Variants in RGS6 observed in about 807,000 individuals in gnomAD.
RGS6 encodes regulator of G-protein signaling 6.
In RGS6, 30 loss-of-function variants were observed where a neutral mutation model predicts 78.5. The ratio of observed to expected loss-of-function variants is 0.38; its 90% CI spans 0.29 to 0.52. The LOEUF (loss-of-function observed/expected upper bound fraction) is 0.52, where lower values mean the gene tolerates loss of function less well. Ranked by LOEUF, RGS6 falls within the 20% of genes least tolerant of loss-of-function variation. The pLI is 0.85. For missense variants in RGS6, 495 were observed against 609.7 expected, an observed-to-expected ratio of 0.81 and a Z score of 1.98; for synonymous variants, 206 against 206.0, an observed-to-expected ratio of 1.00 and a Z score of 0.00.
At chr14:72,471,532 C>T (rs745680762) in intron 8 of RGS6, among the ~76,000 whole-genome samples, 11 of 152,334 alleles carry the variant, frequency 7.2e-5, no homozygotes, top group East Asian at 1.9e-4. Flanking sequence ...CATTCCTGGG[C>T]GATGTTGCAG....
At chr14:72,522,050 G>T (rs10142941) in intron 15 of RGS6, among the ~76,000 whole-genome samples, 1 of 152,080 alleles carries the variant, frequency 6.6e-6, no homozygotes, top group Non-Finnish European at 1.5e-5. Context: ...GTGTAGCTAC[G>T]TGTAAGGTCT....
chr14:72,248,246 A>G (rs1255544240), intron 2 of RGS6, among the ~76,000 whole-genome samples: 1 of 152,192 alleles, frequency 6.6e-6, no homozygotes, highest in Non-Finnish European at 1.5e-5. Context: ...GACATGTACT[A>G]TCATTATAGA....
At chr14:72,381,748 T>A (rs75647977) in intron 3 of RGS6, among the ~76,000 whole-genome samples, 1 of 152,082 alleles carries the variant, frequency 6.6e-6, no homozygotes, top group Non-Finnish European at 1.5e-5. Flanking sequence ...GAATGATAAA[T>A]ACTGTGGTAA....
intron 2 of RGS6, among the ~76,000 whole-genome samples, chr14:72,239,922 A>C (rs1417646337): frequency 6.6e-6 from 1 of 152,196 alleles, no homozygotes; most frequent in East Asian, 1.9e-4. Context: ...TATAAACACC[A>C]TTTGGGATCT....
intron 2 of RGS6, among the ~76,000 whole-genome samples, chr14:72,150,978 C>T (rs1301342525): frequency 6.6e-6 from 1 of 152,142 alleles, no homozygotes; most frequent in East Asian, 1.9e-4. Context: ...TTAAGGAAAT[C>T]AGAGAGTAGA....
At chr14:71,875,420 G>T in the RGS6 span, among the ~76,000 whole-genome samples, 12 of 152,156 alleles carry the variant, frequency 7.9e-5, no homozygotes, top group Admixed American at 7.9e-4. Flanking sequence ...AGATTTTCTA[G>T]TTTAATTGCA....
At chr14:72,245,217 G>C (rs559663948) in intron 2 of RGS6, among the ~76,000 whole-genome samples, 1 of 152,208 alleles carries the variant, frequency 6.6e-6, no homozygotes, top group Non-Finnish European at 1.5e-5. Context: ...TGTGGCATGG[G>C]AATCTTCACA....
chr14:71,981,984 C>T (rs1242885233), intron 2 of RGS6, among the ~76,000 whole-genome samples: 3 of 152,106 alleles, frequency 2.0e-5, no homozygotes, highest in Middle Eastern at 3.2e-3. Context: ...GATATAATCT[C>T]GTGGTGCGCC....
the RGS6 span, among the ~76,000 whole-genome samples, chr14:71,885,562 C>G: frequency 6.6e-6 from 1 of 152,122 alleles, no homozygotes; most frequent in African/African-American, 2.4e-5. Context: ...CGTGGTTCTC[C>G]TAGGATGTGA....
At chr14:72,450,437 A>G (rs2095465794) in intron 3 of RGS6, among the ~76,000 whole-genome samples, 2 of 152,338 alleles carry the variant, frequency 1.3e-5, no homozygotes, top group South Asian at 4.1e-4. Flanking sequence ...ATATACTAAT[A>G]AAACACGCAT....
the RGS6 span, among the ~76,000 whole-genome samples, chr14:72,606,311 G>A: frequency 5.3e-5 from 8 of 152,044 alleles, no homozygotes; most frequent in African/African-American, 1.9e-4. Context: ...CTAAGTCTAG[G>A]GCTGACTTTA....
At chr14:72,257,270 T>A (rs1310985494) in intron 2 of RGS6, among the ~76,000 whole-genome samples, 1 of 152,214 alleles carries the variant, frequency 6.6e-6, no homozygotes, top group Non-Finnish European at 1.5e-5. Context: ...TGGATCACAT[T>A]AAAGCAGGCT....
intron 3 of RGS6, among the ~76,000 whole-genome samples, chr14:72,390,660 G>A (rs1311045821): frequency 6.6e-6 from 1 of 152,028 alleles, no homozygotes; most frequent in African/African-American, 2.4e-5. Context: ...ATGTTTAGAG[G>A]GGAAAAAACC....
intron 2 of RGS6, among the ~76,000 whole-genome samples, chr14:72,004,988 TAAC>T (rs1255895065): frequency 1.3e-5 from 2 of 152,188 alleles, no homozygotes; most frequent in Non-Finnish European, 2.9e-5. Context: ...CCTTTTGACA[TAAC>T]AAATCTAATT....
chr14:72,102,440 A>C (rs1273415921), intron 2 of RGS6, among the ~76,000 whole-genome samples: 1 of 152,242 alleles, frequency 6.6e-6, no homozygotes, highest in African/African-American at 2.4e-5. Flanking sequence ...AGGTTGACCA[A>C]GCTGGAGGGT....
intron 2 of RGS6, among the ~76,000 whole-genome samples, chr14:72,024,827 C>T (rs1297252982): frequency 1.3e-5 from 2 of 152,114 alleles, no homozygotes; most frequent in Non-Finnish European, 2.9e-5. Flanking sequence ...AATGTATCTG[C>T]ATTAACGAGA....
At chr14:72,330,153 C>G (rs1595879925) in intron 2 of RGS6, among the ~76,000 whole-genome samples, 1 of 152,208 alleles carries the variant, frequency 6.6e-6, no homozygotes, top group Admixed American at 6.5e-5. Flanking sequence ...GGATCCCAAC[C>G]CAGGATGATG....
chr14:72,238,013 A>G (rs2051616785), intron 2 of RGS6, among the ~76,000 whole-genome samples: 3 of 152,070 alleles, frequency 2.0e-5, no homozygotes. Flanking sequence ...ATAGGCTTGA[A>G]GGATGGTTCA....
the RGS6 span, among the ~76,000 whole-genome samples, chr14:71,921,117 A>G: frequency 2.0e-5 from 3 of 152,326 alleles, no homozygotes; most frequent in Admixed American, 6.5e-5. Context: ...CAACATCACT[A>G]ATCATCAGAG....
Sources: gnomAD v4.1 joint callset for allele counts (sites outside exome capture counted in the v4.1 genomes callset) on GRCh38, gnomAD v4.1.1 for gene constraint, MANE v1.5 for transcripts, NCBI Gene and HGNC (gene_info 2026-07-23, HGNC 2026-07-21) for gene names.